The following PARD3 variants were observed in gnomAD, a reference collection of about 807,000 sequenced individuals.
PARD3 encodes par-3 family cell polarity regulator, also known as partitioning defective 3 homolog.
In PARD3, 75 loss-of-function variants were observed where a neutral mutation model predicts 155.4. That is an observed-to-expected ratio of 0.48 (90% CI 0.40 to 0.58). PARD3 has a LOEUF of 0.58. Among genes scored for constraint, PARD3 ranks in the 20% least tolerant of loss-of-function variants. The pLI, the probability that PARD3 is intolerant of heterozygous loss-of-function variation, is 0.00. For missense variants in PARD3, 1,642 were observed against 1,721.7 expected, an observed-to-expected ratio of 0.95 and a Z score of 0.82; for synonymous variants, 576 against 610.5, an observed-to-expected ratio of 0.94 and a Z score of 0.83.
chr10:34,460,822 G>A (rs547764962), intron 4 of PARD3, among the ~76,000 whole-genome samples: 2 of 152,082 alleles, frequency 1.3e-5, no homozygotes, highest in South Asian at 2.1e-4. Flanking sequence ...GACACAGCCA[G>A]ACTCGTCTCA....
intron 3 of PARD3, among the ~76,000 whole-genome samples, chr10:34,507,426 A>G (rs2081138669): frequency 6.6e-6 from 1 of 151,728 alleles, no homozygotes; most frequent in Admixed American, 6.6e-5. Flanking sequence ...TAAATAAACA[A>G]TAGAGGTAAC....
intron 4 of PARD3, among the ~76,000 whole-genome samples, chr10:34,455,641 G>A (rs564387161): frequency 3.9e-5 from 6 of 152,160 alleles, no homozygotes; most frequent in Non-Finnish European, 7.4e-5. Context: ...CACACAAAAC[G>A]CAGGCTTAAT....
At chr10:34,256,980 T>C (rs1472844000) in intron 22 of PARD3, among the ~76,000 whole-genome samples, 1 of 152,204 alleles carries the variant, frequency 6.6e-6, no homozygotes, top group Non-Finnish European at 1.5e-5. Flanking sequence ...ATATCTCAAC[T>C]TGCTTGATTG....
At chr10:34,333,806 C>A (rs999508866) in intron 18 of PARD3, among the ~76,000 whole-genome samples, 1 of 151,884 alleles carries the variant, frequency 6.6e-6, no homozygotes, top group African/African-American at 2.4e-5. Context: ...TGCTAACATT[C>A]GATTTATAAT....
intron 2 of PARD3, among the ~76,000 whole-genome samples, chr10:34,590,464 T>C (rs1049481570): frequency 4.6e-5 from 7 of 152,246 alleles, no homozygotes; most frequent in Non-Finnish European, 1.0e-4. Context: ...TAATACTGTA[T>C]AATCCATAGT....
At chr10:34,350,591 C>A (rs759248865) in intron 14 of PARD3, among the ~76,000 whole-genome samples, 4 of 146,512 alleles carry the variant, frequency 2.7e-5, no homozygotes, top group Non-Finnish European at 5.9e-5. Context: ...CGAGATCACG[C>A]CACTGCACTC....
intron 22 of PARD3, among the ~76,000 whole-genome samples, chr10:34,200,199 A>G (rs1951145783): frequency 6.6e-6 from 1 of 152,204 alleles, no homozygotes; most frequent in Non-Finnish European, 1.5e-5. Flanking sequence ...GAGTTTTATA[A>G]TTCTTCTTTC....
At chr10:34,266,643 C>T (rs998658623) in intron 22 of PARD3, among the ~76,000 whole-genome samples, 9 of 152,146 alleles carry the variant, frequency 5.9e-5, no homozygotes, top group African/African-American at 2.2e-4. Flanking sequence ...CTTTTGAATA[C>T]AGCAATGTCT....
intron 2 of PARD3, among the ~76,000 whole-genome samples, chr10:34,552,816 G>A (rs2084692918): frequency 6.6e-6 from 1 of 151,778 alleles, no homozygotes; most frequent in African/African-American, 2.4e-5. Context: ...TTAATAAACG[G>A]ACTGAAAAAA....
intron 16 of PARD3, among the ~76,000 whole-genome samples, chr10:34,338,039 TA>T (rs1377471660): frequency 6.6e-6 from 1 of 152,208 alleles, no homozygotes; most frequent in African/African-American, 2.4e-5. Flanking sequence ...TAGATCCAAA[TA>T]ACAGATAAGA....
chr10:34,653,301 G>A (rs1295451135), intron 2 of PARD3, among the ~76,000 whole-genome samples: 2 of 152,084 alleles, frequency 1.3e-5, no homozygotes, highest in Non-Finnish European at 2.9e-5. Flanking sequence ...TGTCCTTCTA[G>A]AGCCCCTGAC....
chr10:34,341,852 A>T (rs770605749), intron 15 of PARD3, 36 bp from the exon 16 acceptor site: 4 of 1,334,918 alleles, frequency 3.0e-6, no homozygotes, highest in Non-Finnish European at 4.2e-6. Context: ...AAAATTCTAG[A>T]CATCGATCAA....
At chr10:34,417,106 C>A (rs747305394) in intron 5 of PARD3, among the ~76,000 whole-genome samples, 10 of 152,196 alleles carry the variant, frequency 6.6e-5, no homozygotes, top group Non-Finnish European at 1.2e-4. Flanking sequence ...ACCAATTCCC[C>A]AGCCCTCTGC....
intron 10 of PARD3, among the ~76,000 whole-genome samples, 182 bp downstream of exon 10, chr10:34,377,785 A>T (rs562071643): frequency 1.3e-5 from 2 of 152,262 alleles, no homozygotes; most frequent in African/African-American, 4.8e-5. Flanking sequence ...CAATTAAAAA[A>T]ATATATATAA....
At chr10:34,296,830 AAG>A (rs1331638104) in intron 20 of PARD3, among the ~76,000 whole-genome samples, 5 of 152,210 alleles carry the variant, frequency 3.3e-5, no homozygotes, top group African/African-American at 1.2e-4. Context: ...AAGTAATCAC[AAG>A]AGAGTTAGGC....
intron 14 of PARD3, among the ~76,000 whole-genome samples, chr10:34,351,152 A>G (rs73256787): frequency 0.072 from 11,030 of 152,292 alleles, 1,294 homozygotes; most frequent in African/African-American, 0.25. Flanking sequence ...CACTACAAAC[A>G]CTGAAAAGTT....
chr10:34,421,272 A>G (rs979310099), intron 5 of PARD3, among the ~76,000 whole-genome samples: 2 of 151,654 alleles, frequency 1.3e-5, no homozygotes, highest in African/African-American at 2.4e-5. Flanking sequence ...ATTAACATAT[A>G]TAAGTTATTG....
chr10:34,272,740 TCAAA>T (rs922658972), intron 21 of PARD3, among the ~76,000 whole-genome samples: 37 of 150,622 alleles, frequency 2.5e-4, no homozygotes, highest in East Asian at 7.8e-4. Flanking sequence ...AAACAAACAA[TCAAA>T]CAAACAAAAA....
At chr10:34,568,816 ATGTTAAT>A (rs1424063426) in intron 2 of PARD3, among the ~76,000 whole-genome samples, 2 of 152,200 alleles carry the variant, frequency 1.3e-5, no homozygotes, top group Non-Finnish European at 2.9e-5. Flanking sequence ...ATGCACTCAA[ATGTTAAT>A]TGCTCAATTC....
Sources: gnomAD v4.1 joint callset for allele counts (sites outside exome capture counted in the v4.1 genomes callset) on GRCh38, gnomAD v4.1.1 for gene constraint, MANE v1.5 for transcripts, NCBI Gene and HGNC (gene_info 2026-07-23, HGNC 2026-07-21) for gene names.